ROBO1: variants seen among roughly 807,000 people sequenced by gnomAD.
ROBO1 encodes the protein roundabout guidance receptor 1.
ROBO1 carries 149 observed loss-of-function variants against 195.9 expected under a neutral mutation model. That is an observed-to-expected ratio of 0.76 (90% confidence interval 0.67 to 0.87). ROBO1 has a LOEUF of 0.87. ROBO1 is among the 40% of genes least tolerant of loss of function. The pLI is 0.00. For synonymous variants in ROBO1, 816 were observed against 733.2 expected (o/e 1.11, Z -1.82); for missense variants, 1,933 against 2,068.3 (o/e 0.93, Z 1.27).
At chr3:78,753,409 T>C (rs1406508744) in intron 4 of ROBO1, among the ~76,000 whole-genome samples, 1 of 152,172 alleles carries the variant, frequency 6.6e-6, no homozygotes, top group Non-Finnish European at 1.5e-5. Context: ...CTAGTGCTTA[T>C]TCCAACAGCA....
intron 3 of ROBO1, among the ~76,000 whole-genome samples, chr3:78,999,093 G>A: frequency 6.6e-6 from 1 of 151,946 alleles, no homozygotes; most frequent in East Asian, 1.9e-4. Flanking sequence ...TGGAGAAAAG[G>A]GAACACTTAT....
chr3:79,612,726 C>T (rs11712349), intron 1 of ROBO1, among the ~76,000 whole-genome samples: 75,628 of 136,156 alleles, frequency 0.56, 22,156 homozygotes, highest in East Asian at 0.88. Context: ...GCCATTCTAA[C>T]TGGTGTGAGA....
intron 3 of ROBO1, among the ~76,000 whole-genome samples, chr3:79,061,786 T>A (rs1296070727): frequency 6.6e-6 from 1 of 151,918 alleles, no homozygotes; most frequent in Non-Finnish European, 1.5e-5. Flanking sequence ...GCTGGGAAAA[T>A]GGCTAGCCAT....
intron 2 of ROBO1, among the ~76,000 whole-genome samples, chr3:79,581,658 C>G (rs899919149): frequency 6.6e-6 from 1 of 152,064 alleles, no homozygotes; most frequent in Non-Finnish European, 1.5e-5. Flanking sequence ...AGTATTCGTT[C>G]TCTTTCAAGG....
chr3:79,636,586 T>C (rs1197329550), intron 1 of ROBO1, among the ~76,000 whole-genome samples: 1 of 152,094 alleles, frequency 6.6e-6, no homozygotes, highest in Non-Finnish European at 1.5e-5. Flanking sequence ...TTTACTCCAT[T>C]ATTGGTGAGG....
At chr3:79,415,818 A>T (rs2106894980) in intron 2 of ROBO1, among the ~76,000 whole-genome samples, 1 of 152,194 alleles carries the variant, frequency 6.6e-6, no homozygotes, top group East Asian at 1.9e-4. Flanking sequence ...GATTAGAAAC[A>T]TTTTCTGGAG....
At chr3:78,889,043 A>C (rs1396472688) in intron 4 of ROBO1, among the ~76,000 whole-genome samples, 2 of 152,240 alleles carry the variant, frequency 1.3e-5, no homozygotes, top group Non-Finnish European at 2.9e-5. Flanking sequence ...CTTAAAGGCA[A>C]TACAGAGAGC....
intron 2 of ROBO1, among the ~76,000 whole-genome samples, chr3:79,284,905 G>A (rs1005438393): frequency 6.6e-6 from 1 of 151,638 alleles, no homozygotes; most frequent in Non-Finnish European, 1.5e-5. Flanking sequence ...AAAACATTTA[G>A]AACAGGTGAC....
At chr3:78,688,819 T>C (rs1010768920) in intron 8 of ROBO1, 47 bp from the exon 9 acceptor site, 6 of 1,554,070 alleles carry the variant, frequency 3.9e-6, no homozygotes, top group Non-Finnish European at 5.2e-6. Flanking sequence ...CACGTTGTTA[T>C]TGTCCTAATT....
intron 1 of ROBO1, among the ~76,000 whole-genome samples, chr3:79,722,706 C>A (rs1702755921): frequency 6.6e-6 from 1 of 152,184 alleles, no homozygotes; most frequent in Admixed American, 6.5e-5. Context: ...ATATGTGCAG[C>A]CTCCTATTCT....
chr3:79,467,200 A>C (rs192709170), intron 2 of ROBO1, among the ~76,000 whole-genome samples: 1 of 152,226 alleles, frequency 6.6e-6, no homozygotes, highest in Admixed American at 6.5e-5. Context: ...GGGGTTTGAT[A>C]ATGGATATTG....
rs1196247357 is a variant in ROBO1 at position 79,459,564 on chromosome 3, A to AT, written c.88+130259dup. Among the ~76,000 whole-genome samples, 9 of 152,180 alleles carry AT rather than the reference A, an allele frequency of 5.9e-5. No homozygotes were observed. In the East Asian group the frequency reaches 9.6e-4, roughly 16 times the overall value. On this transcript the variant is annotated intron_variant, in intron 2 of 30. Transcript: ENST00000464233. ...AATGACTTATTAATTCTCCGCATGC[A>AT]TTTTTTCTCTGAAAATGTTACCATT...
intron 2 of ROBO1, among the ~76,000 whole-genome samples, chr3:79,465,285 G>A (rs943425033): frequency 6.6e-5 from 10 of 152,032 alleles, no homozygotes; most frequent in African/African-American, 1.2e-4. Flanking sequence ...TGGAATGCTA[G>A]GTGGATCTCT....
intron 2 of ROBO1, among the ~76,000 whole-genome samples, chr3:79,150,820 A>G (rs2080752888): frequency 1.3e-5 from 2 of 151,780 alleles, no homozygotes; most frequent in African/African-American, 2.4e-5. Flanking sequence ...ACCAATACAC[A>G]TACACACCAA....
intron 3 of ROBO1, among the ~76,000 whole-genome samples, chr3:79,087,128 G>A (rs2079385891): frequency 6.6e-6 from 1 of 151,916 alleles, no homozygotes; most frequent in South Asian, 2.1e-4. Context: ...ACAGAAGACA[G>A]GATGCATATT....
At chr3:79,550,491 TAGAG>T (rs970630913) in intron 2 of ROBO1, among the ~76,000 whole-genome samples, 3 of 152,164 alleles carry the variant, frequency 2.0e-5, no homozygotes, top group African/African-American at 7.2e-5. Flanking sequence ...TGACAACACT[TAGAG>T]AGGAACATTT....
At position 78,884,757 on chromosome 3, in the gene ROBO1, A is replaced by G. The variant is rs562927728; in HGVS notation, c.499+53844T>C. Among the ~76,000 whole-genome samples, 92 of 151,712 alleles carry G rather than the reference A, an allele frequency of 6.1e-4. No homozygotes were observed. In the Middle Eastern group the frequency reaches 0.014, roughly 22 times the overall value. ...AGGAAGGAAAGAAAGGAAAGAAAGA[A>G]AGAAAGAAAATTTAATAGTCCAGAT... is the stretch of plus-strand genomic sequence containing the variant. On this transcript the variant is annotated intron_variant, in intron 4 of 30. Coordinates refer to ENST00000464233, the MANE Select transcript of ROBO1 (RefSeq NM_002941.4).
At chr3:78,607,362 A>C in intron 28 of ROBO1, 1 of 242,734 alleles carries the variant, frequency 4.1e-6, no homozygotes, top group South Asian at 7.4e-5. Context: ...ATAGGCATGC[A>C]CCACCACACC....
At chr3:79,617,615 A>G (rs1944866147) in intron 1 of ROBO1, among the ~76,000 whole-genome samples, 1 of 152,166 alleles carries the variant, frequency 6.6e-6, no homozygotes, top group South Asian at 2.1e-4. Flanking sequence ...GCTCCTCCAG[A>G]TGAGAAGGAA....
Sources: allele counts gnomAD v4.1 joint callset (sites outside exome capture counted in the v4.1 genomes callset), GRCh38; gene constraint gnomAD v4.1.1; transcripts MANE v1.5; gene names NCBI Gene and HGNC (gene_info 2026-07-23, HGNC 2026-07-21).